The following BDNF variants were observed in gnomAD, a reference collection of about 807,000 sequenced individuals.
BDNF encodes the protein neurotrophic factor BDNF precursor form.
A neutral mutation model predicts 19.5 loss-of-function variants in BDNF; 1 was observed. The ratio of observed to expected loss-of-function variants is 0.05; its 90% CI spans 0.02 to 0.24. The LOEUF is 0.24. Ranked by LOEUF, BDNF falls within the 10% of genes least tolerant of loss-of-function variation. BDNF has a pLI of 1.00. For synonymous variants in BDNF, 100 were observed against 121.6 expected (o/e 0.82, Z 1.17); for missense variants, 195 against 317.6 (o/e 0.61, Z 2.93).
At chr11:27,674,788 A>C (rs761449136) in intron 1 of BDNF, 30 of 964,046 alleles carry the variant, frequency 3.1e-5, no homozygotes, top group Non-Finnish European at 3.6e-5. Context: ...TCATCTAAGC[A>C]TAGGACAGGG....
At chr11:27,684,255 C>G (rs542363001) in intron 1 of BDNF, among the ~76,000 whole-genome samples, 1 of 152,116 alleles carries the variant, frequency 6.6e-6, no homozygotes, top group Admixed American at 6.5e-5. Context: ...GATTTTGTAT[C>G]CTGAGACTTT....
At chr11:27,674,809 TA>T in intron 1 of BDNF, 4 of 951,198 alleles carry the variant, frequency 4.2e-6, no homozygotes, top group Non-Finnish European at 5.0e-6. Flanking sequence ...ACTCCATTTT[TA>T]CATAGTTGCT....
chr11:27,685,302 T>C (rs552596449), intron 1 of BDNF, among the ~76,000 whole-genome samples: 4 of 152,266 alleles, frequency 2.6e-5, no homozygotes, highest in Admixed American at 2.6e-4. Context: ...TCTTTATCAA[T>C]CTGGCTAGCA....
rs775927167 is a variant in BDNF at position 27,674,098 on chromosome 11, C to G, written c.-21-15513G>C. ...TTTTCAGGGATCAGTTTGTTAAATT[C>G]CACTGAAACGTGGAGGTACACAGCA... On this transcript the variant is annotated intron_variant, in intron 1 of 1. Transcript: ENST00000356660. 4 of 1,611,126 alleles carry G rather than the reference C, an allele frequency of 2.5e-6. No individual in the cohort carries two copies. The South Asian group carries it at 3.3e-5, about 13-fold the overall frequency.
intron 1 of BDNF, among the ~76,000 whole-genome samples, chr11:27,666,477 C>T (rs1307619457): frequency 2.0e-5 from 3 of 152,232 alleles, no homozygotes; most frequent in Non-Finnish European, 2.9e-5. Flanking sequence ...CAAACTCCTC[C>T]GAGCTAAAGG....
At chr11:27,671,730 G>C (rs1401140286) in intron 1 of BDNF, among the ~76,000 whole-genome samples, 1 of 152,110 alleles carries the variant, frequency 6.6e-6, no homozygotes, top group Non-Finnish European at 1.5e-5. Flanking sequence ...TCTCAATGTT[G>C]AGATGGATTA....
At chr11:27,717,728 T>G (rs1256512827) in intron 1 of BDNF, among the ~76,000 whole-genome samples, 1 of 152,212 alleles carries the variant, frequency 6.6e-6, no homozygotes, top group African/African-American at 2.4e-5. Context: ...AACAGGACAA[T>G]TGAAATGTCT....
intron 1 of BDNF, 42 bp downstream of exon 1, chr11:27,700,122 G>A (rs1324194072): frequency 2.0e-6 from 2 of 986,036 alleles, no homozygotes; most frequent in Non-Finnish European, 2.4e-6. Context: ...TCCCGCGGAC[G>A]GGCAGCTCCT....
intron 1 of BDNF, among the ~76,000 whole-genome samples, chr11:27,709,866 T>A (rs998167152): frequency 6.6e-5 from 10 of 152,182 alleles, no homozygotes; most frequent in African/African-American, 2.2e-4. Flanking sequence ...AAGAGATGAT[T>A]TAGGTGATTT....
chr11:27,719,653 C>A (rs1860670793), intron 1 of BDNF: 1 of 983,818 alleles, frequency 1.0e-6, no homozygotes. Context: ...AAAAAGAAAA[C>A]CCAGAAAGAA....
chr11:27,658,652 G>A lies in BDNF; in HGVS notation c.-21-67C>T. On this transcript the variant is annotated intron_variant, in intron 1 of 1. Transcript: ENST00000356660. The surrounding 1 kb of genome is among the most constrained non-coding windows in gnomAD (Gnocchi z 5.7). ...GCTTTCTTTCACCGGGATGCCATGTGGCCCATCTGATTGTAATTCCAGGCC... is the reference window on the plus strand; with the variant it reads ...GCTTTCTTTCACCGGGATGCCATGTAGCCCATCTGATTGTAATTCCAGGCC... 6.2e-7 allele frequency: 1 copy of A among 1,613,266 alleles called. No homozygotes were observed.
chr11:27,682,999 GGTT>G (rs775534862), intron 1 of BDNF, among the ~76,000 whole-genome samples: 4 of 152,136 alleles, frequency 2.6e-5, no homozygotes, highest in Admixed American at 2.0e-4. Context: ...CTTCCACAAT[GGTT>G]GAACTAATTT....
intron 1 of BDNF, chr11:27,659,038 G>A (rs995052504): frequency 4.1e-5 from 44 of 1,069,540 alleles, no homozygotes; most frequent in Non-Finnish European, 4.8e-5. Flanking sequence ...TGTGTGACAG[G>A]AACAGCAGTG....
At chr11:27,700,734 T>C (rs952511062), upstream of BDNF, 36 of 1,185,780 alleles carry the variant, frequency 3.0e-5, no homozygotes, top group African/African-American at 3.8e-4. Context: ...CTGGGGCGCC[T>C]TGGACAGGAC....
intron 1 of BDNF, among the ~76,000 whole-genome samples, chr11:27,720,193 C>G (rs1397766530): frequency 6.6e-6 from 1 of 152,038 alleles, no homozygotes; most frequent in Non-Finnish European, 1.5e-5. Context: ...AGGGTTCTCA[C>G]CTAGGGCAAT....
At chr11:27,674,412 C>G in intron 1 of BDNF, 1 of 1,463,350 alleles carries the variant, frequency 6.8e-7, no homozygotes, top group South Asian at 1.4e-5. Context: ...AATATGTTCT[C>G]CTAGCCACTG....
chr11:27,717,208 T>C (rs1860548300), intron 1 of BDNF, among the ~76,000 whole-genome samples: 1 of 152,252 alleles, frequency 6.6e-6, no homozygotes. Flanking sequence ...CTTTCCAATG[T>C]ACATTAATAG....
At chr11:27,721,298 C>T in intron 1 of BDNF, 2 of 1,240,194 alleles carry the variant, frequency 1.6e-6, no homozygotes, top group Non-Finnish European at 2.4e-6. Flanking sequence ...TTCCCCTGGC[C>T]TGAGTAGCTG....
chr11:27,698,916 C>G (rs1383063435), intron 1 of BDNF, among the ~76,000 whole-genome samples: 1 of 152,140 alleles, frequency 6.6e-6, no homozygotes, highest in East Asian at 1.9e-4. Flanking sequence ...CTTATCAAAG[C>G]TCCCCCAGCG....
Sources: gnomAD v4.1 joint callset for allele counts (sites outside exome capture counted in the v4.1 genomes callset) on GRCh38, gnomAD v4.1.1 for gene constraint, Gnocchi (gnomAD v3.1) non-coding constraint, MANE v1.5 for transcripts, NCBI Gene and HGNC (gene_info 2026-07-23, HGNC 2026-07-21) for gene names.